Variants in UCMA observed in about 807,000 individuals in gnomAD.
UCMA encodes upper zone of growth plate and cartilage matrix associated.
Under a neutral mutation model 21.8 loss-of-function variants are expected in UCMA, and 21 were observed. The ratio of observed to expected loss-of-function variants is 0.97; its 90% CI spans 0.68 to 1.39. The LOEUF is 1.39. UCMA is among the 40% of genes most tolerant of loss of function. The pLI is 0.00. For synonymous variants in UCMA, 76 were observed against 67.9 expected (o/e 1.12, Z -0.58); for missense variants, 193 against 178.9 (o/e 1.08, Z -0.45).
intron 4 of UCMA, among the ~76,000 whole-genome samples, chr10:13,227,372 C>A (rs1434481114): frequency 1.3e-5 from 2 of 152,156 alleles, no homozygotes; most frequent in Non-Finnish European, 2.9e-5. Flanking sequence ...CAGGAGGTAC[C>A]AGGTGATTTT....
chr10:13,223,917 A>G (rs953240513), intron 4 of UCMA, among the ~76,000 whole-genome samples: 1 of 152,068 alleles, frequency 6.6e-6, no homozygotes, highest in Admixed American at 6.6e-5. Context: ...GGAGGGAGGA[A>G]TGGCGAGTTA....
At chr10:13,224,588 C>A (rs759913079) in intron 4 of UCMA, among the ~76,000 whole-genome samples, 6 of 152,160 alleles carry the variant, frequency 3.9e-5, no homozygotes, top group Non-Finnish European at 7.3e-5. Context: ...TCTGTTTTCT[C>A]AAATGTGGAC....
chr10:13,232,219 A>G (rs989707071), intron 3 of UCMA, among the ~76,000 whole-genome samples: 3 of 152,008 alleles, frequency 2.0e-5, no homozygotes, highest in African/African-American at 7.3e-5. Flanking sequence ...ACAAAAATAC[A>G]AAAATTAGCA....
Position 13,231,073 on chromosome 10 carries a change from A to G in UCMA, c.221-1364T>C, listed in dbSNP as rs111914413. On this transcript the variant is annotated intron_variant, in intron 3 of 4. Coordinates refer to ENST00000378681, the MANE Select transcript of UCMA (RefSeq NM_145314.3). ...AAATAAATAAATAAATAAACAAACA[A>G]ACCATCTCAAATCCTTGGAAGTAAG... Among the ~76,000 whole-genome samples the G allele has an allele frequency of 5.7e-4, 19 of 33,176 alleles. 1 individual carries two copies. Among genetic ancestry groups the G allele is most frequent in the African/African-American group, 1.6e-3 (19 of 11,786 alleles). The allele number at this position is 33,176 out of a possible 152,430, so 21.8% of individuals were successfully genotyped here.
rs1453656109 is a variant in UCMA, at chr10:13,230,783, G to A, written c.221-1074C>T. Among the ~76,000 whole-genome samples, 6 of 152,288 alleles carry A rather than the reference G, an allele frequency of 3.9e-5. No individual in the cohort carries two copies. The East Asian group carries it at 5.8e-4, about 15-fold the overall frequency. ...TATTGGAAACCATCTCAGGCCGGGC[G>A]TGGCGGCTCACGCCTGTAATCCCAG... On this transcript the variant is annotated intron_variant, in intron 3 of 4. Coordinates refer to ENST00000378681, the MANE Select transcript of UCMA (RefSeq NM_145314.3).
intron 3 of UCMA, among the ~76,000 whole-genome samples, chr10:13,231,503 C>T (rs970581448): frequency 1.6e-4 from 24 of 152,144 alleles, no homozygotes; most frequent in South Asian, 2.1e-4. Flanking sequence ...GCCAGAAAGC[C>T]GTTGTGGGAG....
At position 13,229,699 on chromosome 10, in the gene UCMA, C is replaced by A. The variant is rs1388644618; in HGVS notation, c.231G>T (p.Arg77Ser). The stretch of plus-strand genomic sequence containing the variant: ...GCAGCTCATCAACCCGAAGCTTCTG[C>A]CTGTTTTCCACTGTGAAAGGAAAAG... ...KSRDEVNVEN[R>S]QKLRVDELRR... Residue 77 changes from arginine to serine, a missense_variant, in exon 4 of 5, where the codon AGG becomes AGT. By Grantham distance (110) the Arg-to-Ser change is moderately radical (BLOSUM62 -1). Coordinates refer to ENST00000378681, the MANE Select transcript of UCMA (RefSeq NM_145314.3). 6.2e-7 allele frequency: 1 copy of A among 1,613,812 alleles called. No homozygotes were observed. Among genetic ancestry groups the A allele is most frequent in the African/African-American group, 1.3e-5 (1 of 74,886 alleles).
chr10:13,228,816 C>G (rs919232454), intron 4 of UCMA, among the ~76,000 whole-genome samples: 1 of 149,398 alleles, frequency 6.7e-6, no homozygotes, highest in Non-Finnish European at 1.5e-5. Flanking sequence ...AATATCCACA[C>G]AGTCAGCAAA....
chr10:13,228,102 C>G (rs1364320945), intron 4 of UCMA, among the ~76,000 whole-genome samples: 1 of 151,868 alleles, frequency 6.6e-6, no homozygotes, highest in African/African-American at 2.4e-5. Context: ...CTCTGTTGCC[C>G]AGGCTGGAGT....
At position 13,227,211 on chromosome 10, in the gene UCMA, C is replaced by A. The variant is rs928207093; in HGVS notation, c.319+2400G>T. Among the ~76,000 whole-genome samples the A allele has an allele frequency of 1.6e-4, 25 of 152,260 alleles. No homozygotes were observed. In the East Asian group the frequency reaches 3.1e-3, roughly 19 times the overall value. On this transcript the variant is annotated intron_variant, in intron 4 of 4. Coordinates refer to ENST00000378681, the MANE Select transcript of UCMA (RefSeq NM_145314.3). ...ATGGGCATAGCCTGCAGCACCTGAC[C>A]CAGGGGTGGTTTCCTTTTCACTAGG...
chr10:13,224,288 C>T (rs2131602150), intron 4 of UCMA, among the ~76,000 whole-genome samples: 1 of 144,362 alleles, frequency 6.9e-6, no homozygotes, highest in East Asian at 2.4e-4. Context: ...GATCATACCA[C>T]TGCACTCCAA....
Position 13,222,116 on chromosome 10 carries a change from C to A in UCMA, c.404G>T (p.Arg135Leu), listed in dbSNP as rs753490238. 1 of 1,614,022 alleles carries A rather than the reference C, an allele frequency of 6.2e-7. No individual in the cohort carries two copies. Among genetic ancestry groups the A allele is most frequent in the South Asian group, 1.1e-5 (1 of 91,052 alleles). ...TTCAGGATGGGATCAGGTGTGGTGG[C>A]GGTTGTAGAGATAGGATGGGTGCAG... ...DGLHPSYLYNRHHT is the reference protein window; with the variant it reads ...DGLHPSYLYNLHHT Residue 135 changes from arginine to leucine, a missense_variant, in exon 5 of 5, where the codon CGC (arginine) becomes CTC (leucine). Coordinates refer to ENST00000378681, the MANE Select transcript of UCMA (RefSeq NM_145314.3).
intron 4 of UCMA, among the ~76,000 whole-genome samples, chr10:13,224,196 A>G (rs1191557147): frequency 6.6e-6 from 1 of 152,052 alleles, no homozygotes; most frequent in African/African-American, 2.4e-5. Flanking sequence ...GTGTGATAGC[A>G]CTTGCCTATA....
intron 4 of UCMA, among the ~76,000 whole-genome samples, chr10:13,228,534 G>C (rs1251647494): frequency 1.3e-5 from 2 of 152,182 alleles, no homozygotes; most frequent in Non-Finnish European, 2.9e-5. Flanking sequence ...AGGGTAGAAG[G>C]CAAGCTGTTT....
chr10:13,228,687 T>C (rs1834857132), intron 4 of UCMA, among the ~76,000 whole-genome samples: 1 of 151,864 alleles, frequency 6.6e-6, no homozygotes, highest in South Asian at 2.1e-4. Flanking sequence ...CACCTGCGAG[T>C]GAGTGTGGAC....
intron 4 of UCMA, among the ~76,000 whole-genome samples, chr10:13,223,760 C>G (rs1326880792): frequency 2.0e-5 from 3 of 152,002 alleles, no homozygotes; most frequent in Admixed American, 2.0e-4. Context: ...TCCTGATGGC[C>G]AGACTGGTCT....
chr10:13,228,303 C>G (rs1368326992), intron 4 of UCMA, among the ~76,000 whole-genome samples: 1 of 152,144 alleles, frequency 6.6e-6, no homozygotes, highest in African/African-American at 2.4e-5. Flanking sequence ...CTCAAGTGAT[C>G]CGCCCACCTC....
chr10:13,230,827 C>T (rs979312459), intron 3 of UCMA, among the ~76,000 whole-genome samples: 7 of 152,296 alleles, frequency 4.6e-5, no homozygotes, highest in South Asian at 2.1e-4. Context: ...GAGGCCGAGG[C>T]GGGCGGATCA....
At chr10:13,231,964 C>T (rs1400995301) in intron 3 of UCMA, among the ~76,000 whole-genome samples, 2 of 152,140 alleles carry the variant, frequency 1.3e-5, no homozygotes, top group Non-Finnish European at 1.5e-5. Context: ...ATGCACAATC[C>T]TGGGTGTTCA....
Sources: gnomAD v4.1 joint callset for allele counts (sites outside exome capture counted in the v4.1 genomes callset) on GRCh38, gnomAD v4.1.1 for gene constraint, MANE v1.5 for transcripts, NCBI Gene and HGNC (gene_info 2026-07-23, HGNC 2026-07-21) for gene names.